PPP2R5E: variants seen among roughly 807,000 people sequenced by gnomAD.
PPP2R5E encodes protein phosphatase 2 regulatory subunit B'epsilon.
In PPP2R5E, 4 loss-of-function variants were observed where a neutral mutation model predicts 65.3. The ratio of observed to expected loss-of-function variants is 0.06; its 90% CI spans 0.03 to 0.14. The LOEUF is 0.14. Among genes scored for constraint, PPP2R5E ranks in the 10% least tolerant of loss-of-function variants. PPP2R5E has a pLI of 1.00. For missense variants in PPP2R5E, 274 were observed against 556.1 expected (o/e 0.49, Z 5.10); for synonymous variants, 183 against 187.4 (o/e 0.98, Z 0.19).
intron 3 of PPP2R5E, among the ~76,000 whole-genome samples, chr14:63,426,343 G>A (rs1356096778): frequency 6.6e-6 from 1 of 151,994 alleles, no homozygotes. Flanking sequence ...TTTATGTCCG[G>A]CATCAGAGAG....
intron 2 of PPP2R5E, among the ~76,000 whole-genome samples, chr14:63,506,152 T>C (rs116561179): frequency 0.013 from 2,054 of 152,178 alleles, 42 homozygotes; most frequent in African/African-American, 0.047. Context: ...ATTCTTCACC[T>C]TAATAACAAA....
chr14:63,401,369 CCATCCCTAATATAA>C (rs1465118913), intron 5 of PPP2R5E, among the ~76,000 whole-genome samples: 1 of 152,106 alleles, frequency 6.6e-6, no homozygotes, highest in Non-Finnish European at 1.5e-5. Flanking sequence ...GTGGACTGTG[CCATCCCTAATATAA>C]CAGGTAGCTT....
chr14:63,460,193 C>T (rs1302563886), intron 2 of PPP2R5E, among the ~76,000 whole-genome samples: 1 of 152,190 alleles, frequency 6.6e-6, no homozygotes, highest in South Asian at 2.1e-4. Context: ...GCTCCTGACA[C>T]ACATTATCCC....
intron 2 of PPP2R5E, among the ~76,000 whole-genome samples, chr14:63,520,771 T>C (rs1399699124): frequency 6.7e-6 from 1 of 149,606 alleles, no homozygotes; most frequent in Non-Finnish European, 1.5e-5. Context: ...ATCCCAGCAC[T>C]TTGGGAGGCC....
intron 2 of PPP2R5E, among the ~76,000 whole-genome samples, chr14:63,512,089 A>T (rs1485828232): frequency 2.0e-5 from 3 of 149,896 alleles, no homozygotes; most frequent in African/African-American, 5.0e-5. Flanking sequence ...AAAAAAAAAA[A>T]AAAAAAAAAA....
chr14:63,472,407 C>A (rs780950676), intron 2 of PPP2R5E, among the ~76,000 whole-genome samples: 7 of 152,202 alleles, frequency 4.6e-5, no homozygotes, highest in Non-Finnish European at 1.0e-4. Flanking sequence ...CTAAAGCTGG[C>A]TTACTTCAAG....
chr14:63,390,798 T>A (rs908531278), intron 10 of PPP2R5E, among the ~76,000 whole-genome samples: 1 of 152,240 alleles, frequency 6.6e-6, no homozygotes, highest in Admixed American at 6.5e-5. Context: ...CTGATCTTTT[T>A]TTCTGAGCCA....
intron 2 of PPP2R5E, among the ~76,000 whole-genome samples, chr14:63,458,646 C>T (rs991981478): frequency 3.3e-5 from 5 of 152,002 alleles, no homozygotes; most frequent in African/African-American, 4.8e-5. Context: ...AAAATGTGGA[C>T]TGGCAAATTA....
At chr14:63,540,897 T>C (rs867854222) in intron 1 of PPP2R5E, among the ~76,000 whole-genome samples, 1 of 152,200 alleles carries the variant, frequency 6.6e-6, no homozygotes, top group Non-Finnish European at 1.5e-5. Context: ...AAATCTATGC[T>C]GCCTGCCCAT....
chr14:63,386,696 G>A (rs1884689816), intron 11 of PPP2R5E, among the ~76,000 whole-genome samples: 1 of 152,142 alleles, frequency 6.6e-6, no homozygotes, highest in African/African-American at 2.4e-5. Flanking sequence ...GCCAAGGTGG[G>A]TGGATCATTT....
chr14:63,523,385 G>T (rs1209478924), intron 2 of PPP2R5E, among the ~76,000 whole-genome samples: 1 of 152,120 alleles, frequency 6.6e-6, no homozygotes, highest in African/African-American at 2.4e-5. Flanking sequence ...TCTGCCTTGG[G>T]ATCCTGTTGA....
intron 2 of PPP2R5E, among the ~76,000 whole-genome samples, chr14:63,464,338 C>T (rs1467457937): frequency 6.6e-6 from 1 of 152,130 alleles, no homozygotes; most frequent in African/African-American, 2.4e-5. Context: ...TTGAAGGGTA[C>T]AATGTTAAAC....
chr14:63,410,541 C>T (rs1466854259), intron 5 of PPP2R5E, among the ~76,000 whole-genome samples: 1 of 151,968 alleles, frequency 6.6e-6, no homozygotes, highest in African/African-American at 2.4e-5. Context: ...CCCCAAAGGC[C>T]CACCCACTCC....
intron 2 of PPP2R5E, among the ~76,000 whole-genome samples, chr14:63,534,404 A>T (rs1358002051): frequency 6.6e-6 from 1 of 152,016 alleles, no homozygotes; most frequent in Admixed American, 6.6e-5. Context: ...AGCTGGGATT[A>T]TAGATGCACA....
chr14:63,462,927 ACT>A (rs1889562947), intron 2 of PPP2R5E, among the ~76,000 whole-genome samples: 1 of 150,828 alleles, frequency 6.6e-6, no homozygotes, highest in African/African-American at 2.4e-5. Flanking sequence ...ACATAGAGAA[ACT>A]CTATCTCTAC....
At chr14:63,385,258 G>A (rs915213269) in intron 11 of PPP2R5E, among the ~76,000 whole-genome samples, 9 of 152,010 alleles carry the variant, frequency 5.9e-5, no homozygotes, top group African/African-American at 2.2e-4. Context: ...CCTGGGAGGC[G>A]GAGGTTGCAG....
chr14:63,379,832 T>C (rs200038169), intron 13 of PPP2R5E, among the ~76,000 whole-genome samples: 81 of 105,782 alleles, frequency 7.7e-4, no homozygotes, highest in East Asian at 3.6e-3. Context: ...CTCTCTTTTT[T>C]TTTTTTTTTT....
intron 2 of PPP2R5E, among the ~76,000 whole-genome samples, chr14:63,499,185 C>T (rs1235156001): frequency 6.6e-6 from 1 of 152,132 alleles, no homozygotes; most frequent in Non-Finnish European, 1.5e-5. Flanking sequence ...GTTTGAGCTC[C>T]ACTACCCAAC....
intron 4 of PPP2R5E, among the ~76,000 whole-genome samples, chr14:63,416,895 T>A (rs1213416984): frequency 6.6e-6 from 1 of 152,140 alleles, no homozygotes; most frequent in Non-Finnish European, 1.5e-5. Context: ...CTGACGGAGA[T>A]CCAGGGAGAT....
Sources: allele counts gnomAD v4.1 joint callset (sites outside exome capture counted in the v4.1 genomes callset), GRCh38; gene constraint gnomAD v4.1.1; transcripts MANE v1.5; gene names NCBI Gene and HGNC (gene_info 2026-07-23, HGNC 2026-07-21).